The following SLC39A10 variants were observed in gnomAD, a reference collection of about 807,000 sequenced individuals.
SLC39A10 encodes zinc transporter ZIP10.
In SLC39A10, 13 loss-of-function variants were observed where a neutral mutation model predicts 65.1. The observed-to-expected ratio is 0.20, with a 90% CI of 0.13 to 0.32. SLC39A10 has a LOEUF of 0.32. SLC39A10 is among the 10% of genes least tolerant of loss of function. The pLI is 1.00. For missense variants in SLC39A10, 831 were observed against 1,018.4 expected, an observed-to-expected ratio of 0.82 and a Z score of 2.50; for synonymous variants, 321 against 342.2, an observed-to-expected ratio of 0.94 and a Z score of 0.68.
At chr2:195,694,717 TGTTG>T (rs1486503301) in intron 3 of SLC39A10, among the ~76,000 whole-genome samples, 1 of 152,164 alleles carries the variant, frequency 6.6e-6, no homozygotes, top group Admixed American at 6.5e-5. Context: ...TCTGGTTTTG[TGTTG>T]GTTGGCATCG....
intron 3 of SLC39A10, among the ~76,000 whole-genome samples, chr2:195,702,370 C>G (rs1691224352): frequency 1.3e-5 from 2 of 152,174 alleles, no homozygotes; most frequent in Admixed American, 6.5e-5. Context: ...TTTCAAAGGA[C>G]TAAGGATGGC....
At position 195,709,193 on chromosome 2, in the gene SLC39A10, TTGTATGTATGTATGTA is replaced by T. The variant is rs59346406; in HGVS notation, c.1575+387_1575+402del. ...GCACATGCCACCATGCCCAGCTAAC[TTGTATGTATGTATGTA>T]TGTATGTATGTATGTATGTATGTAT... On this transcript the variant is annotated intron_variant, in intron 5 of 9. Coordinates refer to ENST00000359634, the MANE Select transcript of SLC39A10 (RefSeq NM_020342.3). Among the ~76,000 whole-genome samples, 140 of 145,030 alleles carry T rather than the reference TTGTATGTATGTATGTA, an allele frequency of 9.7e-4. 2 individuals carry two copies. The highest frequency in any genetic ancestry group is 3.2e-3 in the South Asian group (14 of 4,372).
chr2:195,685,937 G>A (rs1690508223), intron 3 of SLC39A10, among the ~76,000 whole-genome samples: 2 of 152,184 alleles, frequency 1.3e-5, no homozygotes, highest in South Asian at 2.1e-4. Context: ...TTATGTGAAT[G>A]TATCAGTCAG....
chr2:195,710,963 G>GT (rs1691584264), intron 5 of SLC39A10, among the ~76,000 whole-genome samples: 4 of 152,270 alleles, frequency 2.6e-5, no homozygotes, highest in Admixed American at 1.3e-4. Flanking sequence ...TTCAAAAGAG[G>GT]TGGTGGGGCT....
Position 195,728,181 on chromosome 2 carries a change from A to G in SLC39A10, c.2169A>G (p.Lys723=), listed in dbSNP as rs1157081816. 1.9e-6 allele frequency: 3 copies of G among 1,612,146 alleles called. No individual in the cohort carries two copies. Among genetic ancestry groups the G allele is most frequent in the East Asian group, 4.5e-5 (2 of 44,844 alleles). The change falls in exon 9 of 10, where the codon AAA becomes AAG. Residue 723 remains lysine, a synonymous_variant. Coordinates refer to ENST00000359634, the MANE Select transcript of SLC39A10 (RefSeq NM_020342.3). This position sits in a 1 kb window ranked among gnomAD's most constrained non-coding sequence, Gnocchi z 4.4. Reference sequence around the variant, plus strand: ...CAGGAGATTTTGCAGTTCTTCTTAAAGCAGGCATGACTGTAAAGCAAGCAA... The same window carrying G: ...CAGGAGATTTTGCAGTTCTTCTTAAGGCAGGCATGACTGTAAAGCAAGCAA... ...HELGDFAVLL[K]AGMTVKQAIV...
intron 2 of SLC39A10, among the ~76,000 whole-genome samples, chr2:195,651,644 T>C (rs1411481835): frequency 2.6e-5 from 4 of 151,884 alleles, no homozygotes; most frequent in Non-Finnish European, 5.9e-5. Flanking sequence ...CCAGCTAATT[T>C]TTGTATTTTT....
intron 6 of SLC39A10, among the ~76,000 whole-genome samples, chr2:195,715,681 CATA>C (rs1238581986): frequency 2.0e-5 from 3 of 152,162 alleles, no homozygotes; most frequent in Admixed American, 1.3e-4. Context: ...TTTTCATAGT[CATA>C]GTAGGGATAT....
At position 195,665,950 on chromosome 2, in the gene SLC39A10, A is replaced by T. The variant is rs547845727; in HGVS notation, c.-12+8669A>T. ...GAACAGTAATTGGGGTTACATTTTT[A>T]TGCTATAAATATTATTTTATACAAT... On this transcript the variant is annotated intron_variant, in intron 1 of 9. Transcript: ENST00000359634. Among the ~76,000 whole-genome samples, 33 of 152,272 alleles carry T rather than the reference A, an allele frequency of 2.2e-4. No homozygotes were observed. In the East Asian group the frequency reaches 5.0e-3, roughly 23 times the overall value.
In SLC39A10 at chr2:195,718,239, T is replaced by G. The variant is rs1230559146; in HGVS notation, c.2066-13T>G. 6.2e-7 allele frequency: 1 copy of G among 1,601,236 alleles called. No homozygotes were observed. Among genetic ancestry groups the G allele is most frequent in the South Asian group, 1.1e-5 (1 of 89,476 alleles). On this transcript the variant is annotated splice_polypyrimidine_tract_variant and intron_variant, in intron 7 of 9. Coordinates refer to ENST00000359634, the MANE Select transcript of SLC39A10 (RefSeq NM_020342.3). ...CAGCAAACCTCACTTGTTTTTTTTC[T>G]TATCTTCCTCAGGTGCAGCTTTCAG...
intron 3 of SLC39A10, among the ~76,000 whole-genome samples, chr2:195,685,952 G>A (rs1427860890): frequency 6.6e-6 from 1 of 152,136 alleles, no homozygotes; most frequent in Non-Finnish European, 1.5e-5. Context: ...AGTCAGCCTG[G>A]TATACTTCGA....
chr2:195,672,929 C>G (rs1181359766), intron 1 of SLC39A10, among the ~76,000 whole-genome samples: 1 of 152,128 alleles, frequency 6.6e-6, no homozygotes, highest in Non-Finnish European at 1.5e-5. Flanking sequence ...GAATATGTAT[C>G]TTCCTTTGCT....
intron 1 of SLC39A10, among the ~76,000 whole-genome samples, chr2:195,667,737 G>C (rs1689689329): frequency 6.6e-6 from 1 of 152,142 alleles, no homozygotes; most frequent in Non-Finnish European, 1.5e-5. Context: ...GAAAACAGTG[G>C]CACAACCGGG....
At position 195,735,627 on chromosome 2, in the gene SLC39A10, C is replaced by T. The variant is rs1692566719; in HGVS notation, c.*586C>T. On this transcript the variant is annotated 3_prime_UTR_variant, in exon 10 of 10. Coordinates refer to ENST00000359634, the MANE Select transcript of SLC39A10 (RefSeq NM_020342.3). ...GCCCTTATTCTTGAATCTAGAGTTA[C>T]TATTTTTGTATATATTTGCATAGTG... 1 of 152,470 alleles carries T rather than the reference C, an allele frequency of 6.6e-6. No homozygotes were observed. Among genetic ancestry groups the T allele is most frequent in the Admixed American group, 6.6e-5 (1 of 15,266 alleles). 9.4% of individuals were successfully genotyped at this position (152,470 alleles called of 1,614,324 possible). A position where few individuals can be genotyped will look rare whatever the true frequency, so the allele number is the denominator to read the frequency against.
At chr2:195,639,933 C>A (rs1039550638) in intron 2 of SLC39A10, among the ~76,000 whole-genome samples, 4 of 149,678 alleles carry the variant, frequency 2.7e-5, no homozygotes. Context: ...GATATTTGTT[C>A]TCTGCCATTG....
chr2:195,711,491 T>G (rs534128115), intron 5 of SLC39A10, among the ~76,000 whole-genome samples: 1 of 152,164 alleles, frequency 6.6e-6, no homozygotes, highest in Non-Finnish European at 1.5e-5. Context: ...AATTCTCAAC[T>G]ATATCAGAGA....
chr2:195,614,944 G>A (rs750281254), intron 2 of SLC39A10, among the ~76,000 whole-genome samples: 2 of 152,060 alleles, frequency 1.3e-5, no homozygotes, highest in Non-Finnish European at 2.9e-5. Context: ...CTAGCTACTC[G>A]AGAGGCTGAG....
chr2:195,711,668 C>T (rs1691605354), intron 5 of SLC39A10, among the ~76,000 whole-genome samples: 1 of 152,184 alleles, frequency 6.6e-6, no homozygotes, highest in Admixed American at 6.5e-5. Flanking sequence ...TTTCAGCTTT[C>T]AAACCACAAG....
intron 2 of SLC39A10, among the ~76,000 whole-genome samples, chr2:195,639,595 T>G (rs1688762712): frequency 6.6e-6 from 1 of 152,180 alleles, no homozygotes; most frequent in African/African-American, 2.4e-5. Context: ...TTTTATTTGA[T>G]TTTTTTGAGA....
intron 1 of SLC39A10, chr2:195,671,568 G>C (rs1465788507): frequency 6.6e-6 from 1 of 152,164 alleles, no homozygotes; most frequent in Admixed American, 6.5e-5. Flanking sequence ...ATTTTGGCTT[G>C]GGCAAAGCTG....
Sources: gnomAD v4.1 joint callset for allele counts (sites outside exome capture counted in the v4.1 genomes callset) on GRCh38, gnomAD v4.1.1 for gene constraint, Gnocchi (gnomAD v3.1) non-coding constraint, MANE v1.5 for transcripts, NCBI Gene and HGNC (gene_info 2026-07-23, HGNC 2026-07-21) for gene names.